ASPRV1: variants seen among roughly 807,000 people sequenced by gnomAD.
ASPRV1 encodes retroviral-like aspartic protease 1.
In ASPRV1, 7 loss-of-function variants were observed where a neutral mutation model predicts 11.0. The ratio of observed to expected loss-of-function variants is 0.64; its 90% CI spans 0.36 to 1.20. The LOEUF (loss-of-function observed/expected upper bound fraction) is 1.20. Among genes scored for constraint, ASPRV1 ranks in the 50% most tolerant of loss-of-function variants. The probability of loss-of-function intolerance (pLI) is 0.02; values close to 1 mark genes in which losing one functional copy is unlikely to be tolerated. For synonymous variants in ASPRV1, 136 were observed against 138.4 expected (o/e 0.98, Z 0.12); for missense variants, 299 against 320.0 (o/e 0.93, Z 0.50).
the ASPRV1 span, among the ~76,000 whole-genome samples, chr2:70,047,566 A>G: frequency 6.6e-6 from 1 of 152,228 alleles, no homozygotes; most frequent in Non-Finnish European, 1.5e-5. Flanking sequence ...GCACGCCAAA[A>G]GTGGGAAGTA....
the ASPRV1 span, among the ~76,000 whole-genome samples, chr2:69,975,034 G>A: frequency 1.1e-4 from 16 of 152,190 alleles, no homozygotes; most frequent in African/African-American, 3.6e-4. Flanking sequence ...GGTCACACGC[G>A]ACAAACTCCC....
At chr2:70,016,041 T>G in the ASPRV1 span, 3 of 152,092 alleles carry the variant, frequency 2.0e-5, no homozygotes, top group Non-Finnish European at 4.4e-5. Flanking sequence ...ACATCAAACT[T>G]GAACTACACT....
At chr2:70,033,276 AACACACACACAC>A in the ASPRV1 span, among the ~76,000 whole-genome samples, 198 of 141,614 alleles carry the variant, frequency 1.4e-3, no homozygotes, top group African/African-American at 3.5e-3. Context: ...TCAAACAGAA[AACACACACACAC>A]ACACACACAC....
chr2:70,061,158 G>C, the ASPRV1 span, among the ~76,000 whole-genome samples: 1 of 152,004 alleles, frequency 6.6e-6, no homozygotes, highest in South Asian at 2.1e-4. Context: ...CACTTTGGGA[G>C]GCCGAGGCAG....
chr2:70,082,152 T>C, the ASPRV1 span, among the ~76,000 whole-genome samples: 1 of 151,936 alleles, frequency 6.6e-6, no homozygotes, highest in African/African-American at 2.4e-5. Context: ...TTTGTGTGTG[T>C]GTGTGTATTT....
the ASPRV1 span, among the ~76,000 whole-genome samples, chr2:70,057,171 G>A: frequency 6.6e-6 from 1 of 152,016 alleles, no homozygotes. Context: ...GGAGGCCAAG[G>A]TAGGTGGATT....
chr2:70,083,876 T>C, the ASPRV1 span, among the ~76,000 whole-genome samples: 1 of 152,312 alleles, frequency 6.6e-6, no homozygotes, highest in East Asian at 1.9e-4. Flanking sequence ...AGATGAGTTG[T>C]AGAAGTCTCA....
In ASPRV1 at chr2:69,960,869, C is replaced by G. The variant is rs1345696916; in HGVS notation, c.568G>C (p.Val190Leu). Residue 190 changes from valine (V) to leucine (L), a missense_variant, in exon 1 of 1, where the codon GTG (valine) becomes CTG (leucine). By Grantham distance (32) the Val-to-Leu change is conservative. Transcript: ENST00000320256. ...GKLKLKAQFL[V>L]ANASAEEAII... ...GCTTCCTCGGCACTCGCATTGGCCA[C>G]TAGGAACTGTGCCTTCAGCTTCAGC... 1.2e-6 allele frequency: 2 copies of G among 1,614,054 alleles called. No homozygotes were observed. The highest frequency in any genetic ancestry group is 1.7e-6 in the Non-Finnish European group (2 of 1,180,042).
At chr2:69,947,758 GTTTT>G in the ASPRV1 span, among the ~76,000 whole-genome samples, 26 of 152,234 alleles carry the variant, frequency 1.7e-4, no homozygotes, top group Admixed American at 1.6e-3. Flanking sequence ...GGGGTTTTTG[GTTTT>G]TTTGTTTGTT....
the ASPRV1 span, among the ~76,000 whole-genome samples, chr2:70,024,685 G>T: frequency 6.6e-6 from 1 of 151,912 alleles, no homozygotes; most frequent in South Asian, 2.1e-4. Context: ...TTTTCTGTTG[G>T]AAGACAGTTG....
upstream of ASPRV1, among the ~76,000 whole-genome samples, chr2:69,965,152 A>G (rs188096779): frequency 2.0e-5 from 3 of 152,272 alleles, no homozygotes; most frequent in Admixed American, 1.3e-4. Flanking sequence ...GGCTCAAGCG[A>G]TTCTCCTGCT....
downstream of ASPRV1, among the ~76,000 whole-genome samples, chr2:69,955,494 T>C (rs774398740): frequency 2.6e-5 from 4 of 152,086 alleles, no homozygotes; most frequent in Non-Finnish European, 4.4e-5. Flanking sequence ...TCTGAATGAG[T>C]GGGCGCTCCT....
chr2:69,967,200 C>T, the ASPRV1 span, among the ~76,000 whole-genome samples: 143 of 152,264 alleles, frequency 9.4e-4, no homozygotes, highest in African/African-American at 3.3e-3. Context: ...ATCAGACCTG[C>T]GCCCTACCCT....
the ASPRV1 span, chr2:70,060,077 A>G: frequency 3.3e-5 from 5 of 152,096 alleles, no homozygotes; most frequent in African/African-American, 1.2e-4. Context: ...TGTGGTGGCT[A>G]ATGCCTGTAA....
the ASPRV1 span, among the ~76,000 whole-genome samples, chr2:70,054,921 T>TCATA: frequency 5.6e-3 from 848 of 152,242 alleles, 7 homozygotes; most frequent in Middle Eastern, 0.02. Flanking sequence ...AAACTATCCA[T>TCATA]CATACATACA....
the ASPRV1 span, among the ~76,000 whole-genome samples, chr2:70,041,084 C>CA: frequency 2.6e-5 from 4 of 152,156 alleles, no homozygotes; most frequent in East Asian, 7.7e-4. Context: ...ACTGGATGCT[C>CA]AAAGAACATA....
chr2:70,078,461 G>A, the ASPRV1 span, among the ~76,000 whole-genome samples: 1 of 152,226 alleles, frequency 6.6e-6, no homozygotes, highest in East Asian at 1.9e-4. Context: ...AAGGCAGAGA[G>A]ATAGCTTTTA....
At chr2:70,040,441 A>G in the ASPRV1 span, among the ~76,000 whole-genome samples, 10 of 152,208 alleles carry the variant, frequency 6.6e-5, no homozygotes, top group Admixed American at 2.0e-4. Flanking sequence ...CCCAGGCCGG[A>G]GTGCAATGGC....
At chr2:70,039,960 G>A in the ASPRV1 span, among the ~76,000 whole-genome samples, 2 of 152,286 alleles carry the variant, frequency 1.3e-5, no homozygotes, top group African/African-American at 2.4e-5. Flanking sequence ...TCAAGGAAAT[G>A]AGGAGGAGGA....
Sources: allele counts gnomAD v4.1 joint callset (sites outside exome capture counted in the v4.1 genomes callset), GRCh38; gene constraint gnomAD v4.1.1; transcripts MANE v1.5; gene names NCBI Gene and HGNC (gene_info 2026-07-23, HGNC 2026-07-21).